The following MRPL42 variants were observed in gnomAD, a reference collection of about 807,000 sequenced individuals.
MRPL42 encodes mitochondrial ribosomal protein L42.
MRPL42 carries 17 observed loss-of-function variants against 17.9 expected under a neutral mutation model. The ratio of observed to expected loss-of-function variants is 0.95; its 90% CI spans 0.65 to 1.42. The LOEUF is 1.42. MRPL42 is among the 40% of genes most tolerant of loss of function. The pLI is 0.00. For synonymous variants in MRPL42, 59 were observed against 54.4 expected (o/e 1.08, Z -0.37); for missense variants, 177 against 175.2 (o/e 1.01, Z -0.06).
intron 5 of MRPL42, among the ~76,000 whole-genome samples, chr12:93,491,319 G>C (rs933101529): frequency 6.6e-6 from 1 of 152,234 alleles, no homozygotes; most frequent in Admixed American, 6.5e-5. Flanking sequence ...TATTCATAGA[G>C]GTAGAGGTTA....
At chr12:93,489,024 C>G (rs1196730136) in intron 5 of MRPL42, among the ~76,000 whole-genome samples, 1 of 152,082 alleles carries the variant, frequency 6.6e-6, no homozygotes, top group Non-Finnish European at 1.5e-5. Context: ...AGTTGTTTAA[C>G]TCAGTAACTA....
chr12:93,470,550 A>G lies in MRPL42; in HGVS notation c.70+1195A>G, dbSNP rs57772800. The G allele has an allele frequency of 2.2e-3, 2,870 of 1,290,426 alleles. 53 individuals carry two copies. The African/African-American group carries it at 0.037, about 17-fold the overall frequency. The allele number at this position is 1,290,426 out of a possible 1,614,324, so 79.9% of individuals were successfully genotyped here. ...TACATATACTGAGGTTTGGGCTTCA[A>G]CTGAACCCGTCACCCAAATAGTGAA... On this transcript the variant is annotated intron_variant, in intron 2 of 5. Transcript: ENST00000549982.
At position 93,504,532 on chromosome 12, in the gene MRPL42, C is replaced by T. The variant is rs1029563763; in HGVS notation, c.*3311C>T. 1 of 152,102 alleles carries T rather than the reference C, an allele frequency of 6.6e-6. No homozygotes were observed. Among genetic ancestry groups the T allele is most frequent in the African/African-American group, 2.4e-5 (1 of 41,416 alleles). The allele number at this position is 152,102 out of a possible 1,614,324, so 9.4% of individuals were successfully genotyped here. A position where few individuals can be genotyped will look rare whatever the true frequency, so the allele number is the denominator to read the frequency against. On this transcript the variant is annotated 3_prime_UTR_variant, in exon 6 of 6. Coordinates refer to ENST00000549982, the MANE Select transcript of MRPL42 (RefSeq NM_014050.4). ...AAAAAATCTTTATCAATTTAGTAGG[C>T]AAAGACTGGAAAATGTTTTAATTTG... is the stretch of plus-strand genomic sequence containing the variant.
chr12:93,472,391 A>G (rs921572399), intron 2 of MRPL42, among the ~76,000 whole-genome samples: 2 of 152,098 alleles, frequency 1.3e-5, no homozygotes, highest in Admixed American at 6.5e-5. Context: ...AGGCTGGGCA[A>G]CATAGGAAAC....
At chr12:93,487,906 C>T (rs1350579599) in intron 5 of MRPL42, 1 of 344,000 alleles carries the variant, frequency 2.9e-6, no homozygotes, top group East Asian at 5.3e-5. Flanking sequence ...AAGTGATCTT[C>T]GCACTTTAGC....
intron 2 of MRPL42, chr12:93,470,614 A>G: frequency 8.6e-7 from 1 of 1,156,652 alleles, no homozygotes; most frequent in South Asian, 1.6e-5. Flanking sequence ...TCTTCCCTCC[A>G]TCCCTCCATT....
intron 5 of MRPL42, chr12:93,488,331 C>T (rs1337139742): frequency 2.5e-6 from 1 of 398,488 alleles, no homozygotes; most frequent in Admixed American, 4.4e-5. Context: ...TGATTTTAAA[C>T]TCCTGGACTC....
intron 2 of MRPL42, among the ~76,000 whole-genome samples, chr12:93,472,575 C>A (rs1353948908): frequency 6.6e-6 from 1 of 151,662 alleles, no homozygotes; most frequent in East Asian, 1.9e-4. Context: ...GAGACCCTGT[C>A]TCAAAAATAA....
intron 1 of MRPL42, 112 bp from the exon 2 acceptor site, chr12:93,469,080 A>G: frequency 2.0e-6 from 1 of 493,084 alleles, no homozygotes. Context: ...AGTTGTTTAA[A>G]AGCATTGCTT....
At chr12:93,484,390 T>C (rs1020483746) in intron 4 of MRPL42, among the ~76,000 whole-genome samples, 28 of 152,114 alleles carry the variant, frequency 1.8e-4, no homozygotes, top group African/African-American at 6.8e-4. Context: ...TCAAGTATTA[T>C]GTGCTATACA....
Position 93,504,572 on chromosome 12 carries a change from T to C in MRPL42, c.*3351T>C, listed in dbSNP as rs1953646611. 1 of 152,260 alleles carries C rather than the reference T, an allele frequency of 6.6e-6. No individual in the cohort carries two copies. The highest frequency in any genetic ancestry group is 1.5e-5 in the Non-Finnish European group (1 of 68,048). 9.4% of individuals were successfully genotyped at this position (152,260 alleles called of 1,614,324 possible). ...GTTTTAATTTGATCAGCCACTTTAA[T>C]GTATGTCTCATTTCAAAGCATATAA... On this transcript the variant is annotated 3_prime_UTR_variant, in exon 6 of 6. Coordinates refer to ENST00000549982, the MANE Select transcript of MRPL42 (RefSeq NM_014050.4).
chr12:93,479,349 T>A, intron 3 of MRPL42, 39 bp from the exon 4 acceptor site: 2 of 1,357,432 alleles, frequency 1.5e-6, no homozygotes, highest in Non-Finnish European at 2.0e-6. Context: ...TTGCCTTGAA[T>A]ACAGTATAAC....
chr12:93,495,299 A>G (rs1688266711), intron 5 of MRPL42, among the ~76,000 whole-genome samples: 3 of 152,126 alleles, frequency 2.0e-5, no homozygotes. Context: ...ATACTTTATG[A>G]CTTGATTTTT....
At chr12:93,490,786 G>T (rs1428077891) in intron 5 of MRPL42, among the ~76,000 whole-genome samples, 1 of 152,196 alleles carries the variant, frequency 6.6e-6, no homozygotes, top group African/African-American at 2.4e-5. Context: ...TTAAGTTACA[G>T]CAGTCAAAAG....
intron 2 of MRPL42, among the ~76,000 whole-genome samples, chr12:93,470,012 C>T (rs563412613): frequency 4.6e-5 from 7 of 150,848 alleles, no homozygotes; most frequent in East Asian, 1.9e-4. Flanking sequence ...CTGGCTCTGT[C>T]GCCCAGGCTG....
chr12:93,471,474 A>G (rs1879907397), intron 2 of MRPL42, among the ~76,000 whole-genome samples: 1 of 151,830 alleles, frequency 6.6e-6, no homozygotes, highest in Non-Finnish European at 1.5e-5. Context: ...TAATTTTTGT[A>G]TTTTTAGCAG....
chr12:93,468,739 T>G (rs182436861), intron 1 of MRPL42, among the ~76,000 whole-genome samples: 84 of 152,280 alleles, frequency 5.5e-4, no homozygotes, highest in South Asian at 3.7e-3. Flanking sequence ...ATTATTATTA[T>G]TATTAATGGC....
In MRPL42 at chr12:93,510,072, T is replaced by TAAA; in HGVS notation, c.*8854_*8856dup. On this transcript the variant is annotated 3_prime_UTR_variant, in exon 6 of 6. Transcript: ENST00000549982. ...TAGTCATGCAGAGTCTACACTGTCC[T>TAAA]AAAAACCCTTGGCTCTGCCTCTTCG... The TAAA allele has an allele frequency of 6.6e-6, 1 of 152,418 alleles. No homozygotes were observed. 9.4% of individuals were successfully genotyped at this position (152,418 alleles called of 1,614,324 possible). A position where few individuals can be genotyped will look rare whatever the true frequency, so the allele number is the denominator to read the frequency against.
intron 5 of MRPL42, among the ~76,000 whole-genome samples, chr12:93,491,979 A>G (rs1427952769): frequency 6.6e-6 from 1 of 152,186 alleles, no homozygotes; most frequent in Non-Finnish European, 1.5e-5. Flanking sequence ...ATAGTATTCC[A>G]TGGTGTATGT....
Sources: allele counts gnomAD v4.1 joint callset (sites outside exome capture counted in the v4.1 genomes callset), GRCh38; gene constraint gnomAD v4.1.1; transcripts MANE v1.5; gene names NCBI Gene and HGNC (gene_info 2026-07-23, HGNC 2026-07-21).